NAV3: variants seen among roughly 807,000 people sequenced by gnomAD.
NAV3 encodes neuron navigator 3.
Under a neutral mutation model 244.7 loss-of-function variants are expected in NAV3, and 87 were observed. The observed-to-expected ratio is 0.36, with a 90% CI of 0.30 to 0.42. The LOEUF (loss-of-function observed/expected upper bound fraction) is 0.42. Among genes scored for constraint, NAV3 ranks in the 20% least tolerant of loss-of-function variants. The probability of loss-of-function intolerance (pLI) is 1.00; values close to 1 mark genes in which losing one functional copy is unlikely to be tolerated. For missense variants in NAV3, 2,663 were observed against 2,893.3 expected, an observed-to-expected ratio of 0.92 and a Z score of 1.83; for synonymous variants, 1,126 against 1,042.2, an observed-to-expected ratio of 1.08 and a Z score of -1.55.
At chr12:77,894,488 A>G (rs73342758) in intron 1 of NAV3, among the ~76,000 whole-genome samples, 1 of 152,186 alleles carries the variant, frequency 6.6e-6, no homozygotes, top group African/African-American at 2.4e-5. Flanking sequence ...AACAACAATA[A>G]GCTACCCATA....
intron 1 of NAV3, among the ~76,000 whole-genome samples, chr12:77,835,216 C>A (rs895286566): frequency 1.3e-5 from 2 of 152,148 alleles, no homozygotes; most frequent in Non-Finnish European, 2.9e-5. Flanking sequence ...TCCACACTGG[C>A]CTCGTTATAG....
chr12:78,006,722 C>G lies in NAV3; in HGVS notation c.1184C>G (p.Thr395Ser). The G allele has an allele frequency of 6.2e-7, 1 of 1,614,028 alleles. No individual in the cohort carries two copies. ...AAATTCAAGCTAGTCAATGCCCGGA[C>G]TGCTTTACGCCCCCCGCAGCCTCCC... ...LEKFKLVNARTALRPPQPPSS... is the reference protein window; with the variant it reads ...LEKFKLVNARSALRPPQPPSS... The change falls in exon 8 of 40, where the codon ACT becomes AGT. Residue 395 changes from threonine (T) to serine (S), a missense_variant. Transcript: ENST00000397909.
At chr12:77,660,634 T>C (rs1459296677) in intron 2 of NAV3, among the ~76,000 whole-genome samples, 1 of 152,186 alleles carries the variant, frequency 6.6e-6, no homozygotes, top group East Asian at 1.9e-4. Context: ...GTATATTATA[T>C]ACGTGCATAT....
intron 20 of NAV3, among the ~76,000 whole-genome samples, chr12:78,144,639 C>T (rs1260999443): frequency 1.3e-5 from 2 of 151,760 alleles, no homozygotes; most frequent in African/African-American, 4.8e-5. Flanking sequence ...ATTATGCTTG[C>T]TACTAGTATA....
chr12:78,042,648 G>T (rs537244750), intron 9 of NAV3, among the ~76,000 whole-genome samples: 23 of 152,042 alleles, frequency 1.5e-4, no homozygotes, highest in Non-Finnish European at 2.4e-4. Context: ...AAAATTAGCC[G>T]GGCATGGTGG....
chr12:78,102,518 G>T (rs1433817346), intron 12 of NAV3, among the ~76,000 whole-genome samples: 1 of 152,166 alleles, frequency 6.6e-6, no homozygotes, highest in Non-Finnish European at 1.5e-5. Flanking sequence ...ACCATTCTGG[G>T]GTTTGGAGGA....
intron 9 of NAV3, among the ~76,000 whole-genome samples, chr12:78,046,334 T>A (rs1266526948): frequency 6.6e-6 from 1 of 152,224 alleles, no homozygotes; most frequent in Non-Finnish European, 1.5e-5. Context: ...GGTGTTGATC[T>A]TTAGATATTT....
chr12:78,124,309 T>C (rs2138748556), intron 16 of NAV3, among the ~76,000 whole-genome samples: 1 of 152,352 alleles, frequency 6.6e-6, no homozygotes, highest in Non-Finnish European at 1.5e-5. Flanking sequence ...TTTACTCTAA[T>C]CTATATTTTA....
At chr12:77,640,926 T>C (rs1015544908) in intron 2 of NAV3, among the ~76,000 whole-genome samples, 1 of 152,090 alleles carries the variant, frequency 6.6e-6, no homozygotes, top group African/African-American at 2.4e-5. Context: ...GTATGAGAAG[T>C]GGGCTGATAC....
rs1870592996 is a variant in NAV3 at position 77,986,812 on chromosome 12, A to G, written c.672-7991A>G. ...TTAACTCTCATTCTAATTCCTGTTGAACAATAAGGGCTGTTTGAATCCTTT... is the reference window on the plus strand; with the variant it reads ...TTAACTCTCATTCTAATTCCTGTTGGACAATAAGGGCTGTTTGAATCCTTT... On this transcript the variant is annotated intron_variant, in intron 5 of 39. Transcript: ENST00000397909. 5.3e-5 allele frequency among the ~76,000 whole-genome samples: 8 copies of G among 152,266 alleles called. No individual in the cohort carries two copies. The South Asian group carries it at 1.7e-3, about 32-fold the overall frequency.
At chr12:78,140,999 C>T (rs1396130043) in intron 20 of NAV3, among the ~76,000 whole-genome samples, 3 of 151,858 alleles carry the variant, frequency 2.0e-5, no homozygotes, top group African/African-American at 7.3e-5. Context: ...TCAAGTTATC[C>T]TTCTGCCTCA....
chr12:78,087,203 C>T (rs568779532), intron 12 of NAV3, among the ~76,000 whole-genome samples: 2 of 152,106 alleles, frequency 1.3e-5, no homozygotes, highest in East Asian at 3.9e-4. Context: ...TTCCATTGAT[C>T]TCACTGAAAT....
At chr12:77,634,448 A>C (rs1019325375) in intron 2 of NAV3, among the ~76,000 whole-genome samples, 1 of 152,254 alleles carries the variant, frequency 6.6e-6, no homozygotes, top group Non-Finnish European at 1.5e-5. Flanking sequence ...AAATGGTGTC[A>C]TATCATAAAC....
At chr12:77,638,561 G>T (rs1457368340) in intron 2 of NAV3, among the ~76,000 whole-genome samples, 2 of 152,226 alleles carry the variant, frequency 1.3e-5, no homozygotes, top group African/African-American at 4.8e-5. Flanking sequence ...CAGACTTACT[G>T]CACGAAGTGC....
chr12:77,772,773 C>T (rs751921794), intron 2 of NAV3, among the ~76,000 whole-genome samples: 2 of 152,066 alleles, frequency 1.3e-5, no homozygotes, highest in Non-Finnish European at 2.9e-5. Context: ...ATTTTTACTG[C>T]GGTTTAGAAT....
At chr12:78,094,836 C>T (rs1954146577) in intron 12 of NAV3, among the ~76,000 whole-genome samples, 1 of 151,794 alleles carries the variant, frequency 6.6e-6, no homozygotes, top group African/African-American at 2.4e-5. Flanking sequence ...ATCACGAGGT[C>T]AGGAGATTGA....
chr12:77,984,364 A>G (rs1021285021), intron 5 of NAV3, among the ~76,000 whole-genome samples: 2 of 152,198 alleles, frequency 1.3e-5, no homozygotes, highest in African/African-American at 4.8e-5. Flanking sequence ...AGTGAGAACC[A>G]AGGGATGTGG....
chr12:77,821,152 T>C (rs1307752370), intron 2 of NAV3, among the ~76,000 whole-genome samples: 2 of 151,904 alleles, frequency 1.3e-5, no homozygotes, highest in Admixed American at 1.3e-4. Context: ...AGTAAAATGC[T>C]GCATGATCTG....
At chr12:77,636,937 C>G (rs1872183119) in intron 2 of NAV3, among the ~76,000 whole-genome samples, 1 of 151,976 alleles carries the variant, frequency 6.6e-6, no homozygotes, top group African/African-American at 2.4e-5. Context: ...GGGAGTCAAA[C>G]CATGAGAACA....
Sources: allele counts gnomAD v4.1 joint callset (sites outside exome capture counted in the v4.1 genomes callset), GRCh38; gene constraint gnomAD v4.1.1; transcripts MANE v1.5; gene names NCBI Gene and HGNC (gene_info 2026-07-23, HGNC 2026-07-21).